The following IQSEC3 variants were observed in gnomAD, a reference collection of about 807,000 sequenced individuals.
IQSEC3 encodes IQ motif and SEC7 domain-containing protein 3.
Under a neutral mutation model 105.4 loss-of-function variants are expected in IQSEC3, and 50 were observed. The ratio of observed to expected loss-of-function variants is 0.47; its 90% confidence interval spans 0.38 to 0.60. The LOEUF is 0.60. IQSEC3 is among the 20% of genes least tolerant of loss of function. The pLI, the probability that IQSEC3 is intolerant of heterozygous loss-of-function variation, is 0.00. For synonymous variants in IQSEC3, 708 were observed against 746.0 expected (o/e 0.95, Z 0.83); for missense variants, 1,415 against 1,630.0 (o/e 0.87, Z 2.27).
chr12:77,035 A>T (rs1863559841), intron 1 of IQSEC3, among the ~76,000 whole-genome samples: 1 of 152,274 alleles, frequency 6.6e-6, no homozygotes, highest in South Asian at 2.1e-4. Context: ...TCAACCAATG[A>T]TTATTTAAAA....
rs782260697 is a variant in IQSEC3 at position 138,942 on chromosome 12, G to A, written c.1579G>A (p.Ala527Thr). The change falls in exon 4 of 14, where the codon GCC becomes ACC. Residue 527 changes from alanine (A) to threonine (T), a missense_variant. Ala to Thr is a moderately conservative substitution (Grantham distance 58). Around this residue, in one of 6 missense-constraint regions of IQSEC3, gnomAD observed 720 missense variants for 633.0 expected, o/e 1.14. Transcript: ENST00000538872. The surrounding 1 kb of genome is among the most constrained non-coding windows in gnomAD (Gnocchi z 7.1). ...CCCCGCAGAGCCCGCGGCGGGCAAG[G>A]CCGAGCAGGGCGAGACCTCTGGGCG... ...QAPAEPAAGK[A>T]EQGETSGREA... 8 of 1,581,112 alleles carry A rather than the reference G, an allele frequency of 5.1e-6. No homozygotes were observed. The South Asian group carries it at 9.1e-5, about 18-fold the overall frequency.
At chr12:101,442 C>T (rs370701577) in intron 2 of IQSEC3, among the ~76,000 whole-genome samples, 22 of 152,306 alleles carry the variant, frequency 1.4e-4, no homozygotes, top group African/African-American at 4.8e-4. Context: ...TTGTTGTTCA[C>T]CTTCCCCTGG....
At chr12:145,087 C>G (rs1866206617) in intron 5 of IQSEC3, among the ~76,000 whole-genome samples, 1 of 152,228 alleles carries the variant, frequency 6.6e-6, no homozygotes. Context: ...CCCACCTCAG[C>G]CTCCCAAAAT....
chr12:99,190 C>T lies in IQSEC3; in HGVS notation c.599C>T (p.Ala200Val). Residue 200 changes from alanine (A) to valine (V), a missense_variant, in exon 2 of 14, where the codon GCC (alanine) becomes GTC (valine). Transcript: ENST00000538872. ...CAGTTCTGCTGCCCAGCCGCCGACG[C>T]CTGCTCCGACCTGGCCTCCCAAAGG... ...LHQFCCPAAD[A>V]CSDLASQSDG... 6.3e-7 allele frequency: 1 copy of T among 1,598,878 alleles called. No individual in the cohort carries two copies. Among genetic ancestry groups the T allele is most frequent in the Non-Finnish European group, 8.5e-7 (1 of 1,179,692 alleles).
chr12:141,337 C>G, intron 5 of IQSEC3, 52 bp downstream of exon 5: 3 of 1,570,026 alleles, frequency 1.9e-6, no homozygotes, highest in Non-Finnish European at 2.6e-6. Context: ...ACCCCACCTG[C>G]CCGGGCTCTC....
At chr12:92,697 C>G (rs1251777625) in intron 1 of IQSEC3, among the ~76,000 whole-genome samples, 1 of 152,236 alleles carries the variant, frequency 6.6e-6, no homozygotes, top group Non-Finnish European at 1.5e-5. Flanking sequence ...CTGTCTCACT[C>G]TGCTGTAGGC....
intron 1 of IQSEC3, among the ~76,000 whole-genome samples, chr12:79,230 A>AC (rs55672031): frequency 0.56 from 84,593 of 151,088 alleles, 24,426 homozygotes; most frequent in African/African-American, 0.63. Context: ...GCCCTCCCTC[A>AC]CCCCCCGCCT....
In IQSEC3 at chr12:161,958, C is replaced by A; in HGVS notation, c.2476C>A (p.Leu826Met). The A allele has an allele frequency of 6.2e-7, 1 of 1,613,030 alleles. No individual in the cohort carries two copies. The highest frequency in any genetic ancestry group is 1.1e-5 in the South Asian group (1 of 90,944). The part of the protein sequence containing the change: ...VDDGADIPRE[L>M]VVGIYERIQQ... ...CGATGGCGCTGACATCCCCAGGGAG[C>A]TGGTGGTAGGCATCTATGAGAGGAT... Residue 826 changes from leucine to methionine, a missense_variant, in exon 8 of 14, where the codon CTG becomes ATG. Transcript: ENST00000538872.
At chr12:163,415 T>C in intron 8 of IQSEC3, 79 bp from the exon 9 acceptor site, 1 of 1,331,520 alleles carries the variant, frequency 7.5e-7, no homozygotes, top group Admixed American at 2.5e-5. Flanking sequence ...GGCTGTCTCC[T>C]CTTCTGGAAA....
chr12:99,339 C>T (rs1864346404), intron 2 of IQSEC3, 125 bp downstream of exon 2: 1 of 837,890 alleles, frequency 1.2e-6, no homozygotes, highest in Admixed American at 2.4e-5. Context: ...AATTTGTTTG[C>T]TTTCACCTCC....
intron 1 of IQSEC3, among the ~76,000 whole-genome samples, chr12:88,293 C>T (rs1285823370): frequency 1.3e-4 from 20 of 152,112 alleles, no homozygotes; most frequent in African/African-American, 4.3e-4. Flanking sequence ...TGGGCCTCTT[C>T]GGAGTACAAC....
intron 2 of IQSEC3, among the ~76,000 whole-genome samples, chr12:120,463 C>T (rs1024455863): frequency 3.9e-5 from 6 of 152,060 alleles, no homozygotes; most frequent in Admixed American, 6.5e-5. Flanking sequence ...GAGTCACTGA[C>T]GGGTTTGGGC....
At chr12:92,916 T>C (rs1009902293) in intron 1 of IQSEC3, among the ~76,000 whole-genome samples, 1 of 152,214 alleles carries the variant, frequency 6.6e-6, no homozygotes, top group Non-Finnish European at 1.5e-5. Context: ...ATTTCAAGAA[T>C]GCAAGAAGCA....
chr12:149,563 C>T (rs2137025847), intron 5 of IQSEC3, among the ~76,000 whole-genome samples: 1 of 152,330 alleles, frequency 6.6e-6, no homozygotes, highest in Non-Finnish European at 1.5e-5. Context: ...ATTCATCCCA[C>T]AAAACAGTGA....
chr12:155,866 G>A (rs1248504762), intron 5 of IQSEC3, among the ~76,000 whole-genome samples: 1 of 152,180 alleles, frequency 6.6e-6, no homozygotes, highest in Non-Finnish European at 1.5e-5. Context: ...GGAGACTAGG[G>A]TGAGTGGGTG....
At chr12:89,352 G>A (rs974307688) in intron 1 of IQSEC3, among the ~76,000 whole-genome samples, 2 of 152,100 alleles carry the variant, frequency 1.3e-5, no homozygotes, top group African/African-American at 4.8e-5. Context: ...GGCAATGGGT[G>A]GAGGGAAATT....
chr12:148,818 G>A (rs1866388621), intron 5 of IQSEC3: 1 of 152,034 alleles, frequency 6.6e-6, no homozygotes, highest in Admixed American at 6.6e-5. Context: ...CCAGGAGCAC[G>A]AGCTAGGGCT....
rs782368481 is a variant in IQSEC3, at chr12:139,037, G to A, written c.1674G>A (p.Ala558=). Residue 558 remains alanine, a synonymous_variant, in exon 4 of 14, where the codon GCG becomes GCA. Coordinates refer to ENST00000538872, the MANE Select transcript of IQSEC3 (RefSeq NM_001170738.2). Reference sequence around the variant, plus strand: ...CCGAGGACTCATGCGCAGAGGCTGCGGCTAGTGGGGCGGCGGATGGGGCCA... The same window carrying A: ...CCGAGGACTCATGCGCAGAGGCTGCAGCTAGTGGGGCGGCGGATGGGGCCA... ...ASAEDSCAEA[A]ASGAADGATA... The A allele has an allele frequency of 1.6e-5, 24 of 1,488,856 alleles. No homozygotes were observed. The highest frequency in any genetic ancestry group is 2.4e-5 in the Admixed American group (1 of 41,962). 92.2% of individuals were successfully genotyped at this position (1,488,856 alleles called of 1,614,324 possible).
chr12:141,345 C>A (rs1437452959), intron 5 of IQSEC3, 60 bp downstream of exon 5: 3 of 1,549,862 alleles, frequency 1.9e-6, no homozygotes, highest in Non-Finnish European at 2.7e-6. Context: ...TGCCCGGGCT[C>A]TCTCTGTGAG....
Sources: allele counts gnomAD v4.1 joint callset (sites outside exome capture counted in the v4.1 genomes callset), GRCh38; gene constraint gnomAD v4.1.1; regional missense constraint gnomAD v4.1.1; non-coding constraint Gnocchi (gnomAD v3.1); transcripts MANE v1.5; gene names NCBI Gene and HGNC (gene_info 2026-07-23, HGNC 2026-07-21).